The following TRPM3 variants were observed in gnomAD, a reference collection of about 807,000 sequenced individuals.
TRPM3 encodes transient receptor potential cation channel subfamily M member 3.
TRPM3 carries 77 observed loss-of-function variants against 181.2 expected under a neutral mutation model. The observed-to-expected ratio is 0.42, with a 90% CI of 0.35 to 0.51. TRPM3 has a LOEUF of 0.51. Ranked by LOEUF, TRPM3 falls within the 20% of genes least tolerant of loss-of-function variation. TRPM3 has a pLI of 0.01. For missense variants in TRPM3, 1,759 were observed against 2,196.7 expected (o/e 0.80, Z 3.98); for synonymous variants, 745 against 796.4 (o/e 0.94, Z 1.09).
At chr9:71,313,660 G>A (rs929488644) in intron 1 of TRPM3, among the ~76,000 whole-genome samples, 2 of 151,960 alleles carry the variant, frequency 1.3e-5, no homozygotes, top group Non-Finnish European at 2.9e-5. Context: ...TAGGTTTACT[G>A]TTATTTCCTT....
chr9:71,146,299 C>T (rs1007227748), intron 1 of TRPM3, among the ~76,000 whole-genome samples: 2 of 152,070 alleles, frequency 1.3e-5, no homozygotes, highest in Non-Finnish European at 2.9e-5. Context: ...CAGCCAAAGC[C>T]CCTAGCTTGC....
intron 5 of TRPM3, among the ~76,000 whole-genome samples, chr9:70,830,925 A>C (rs2093851097): frequency 6.6e-6 from 1 of 152,234 alleles, no homozygotes; most frequent in Non-Finnish European, 1.5e-5. Context: ...ATTGTAAACT[A>C]GTGATCAAAA....
At chr9:71,446,155 C>T (rs1197248460) in intron 1 of TRPM3, among the ~76,000 whole-genome samples, 1 of 152,172 alleles carries the variant, frequency 6.6e-6, no homozygotes. Context: ...ATGCAAATGA[C>T]ATCCTGCAAA....
intron 1 of TRPM3, among the ~76,000 whole-genome samples, chr9:70,945,591 T>G (rs1161413317): frequency 6.6e-6 from 1 of 152,122 alleles, no homozygotes; most frequent in Non-Finnish European, 1.5e-5. Flanking sequence ...CTCCCCAAAT[T>G]TCCCACAATA....
intron 8 of TRPM3, chr9:70,761,250 C>T: frequency 1.7e-6 from 1 of 595,428 alleles, no homozygotes; most frequent in South Asian, 2.1e-5. Flanking sequence ...TGGTTCATGA[C>T]TTCCAAGCAA....
intron 1 of TRPM3, among the ~76,000 whole-genome samples, chr9:71,051,747 A>G (rs75836969): frequency 0.021 from 3,216 of 152,174 alleles, 111 homozygotes; most frequent in African/African-American, 0.073. Flanking sequence ...CATCTAGGGG[A>G]ATATGAGGAC....
intron 1 of TRPM3, among the ~76,000 whole-genome samples, chr9:70,881,318 C>T (rs766089425): frequency 2.0e-5 from 3 of 151,992 alleles, no homozygotes; most frequent in East Asian, 1.9e-4. Context: ...TTGACTTACA[C>T]CTAAATGTCA....
intron 1 of TRPM3, among the ~76,000 whole-genome samples, chr9:71,169,856 C>T (rs2076754367): frequency 6.6e-6 from 1 of 150,386 alleles, no homozygotes; most frequent in Non-Finnish European, 1.5e-5. Context: ...TAAAAATTAG[C>T]CGGGCATGGT....
intron 1 of TRPM3, chr9:70,916,919 T>C (rs893858696): frequency 1.9e-6 from 2 of 1,034,248 alleles, no homozygotes; most frequent in Admixed American, 5.0e-5. Context: ...TTCACTTCTC[T>C]TTAGATACTG....
At chr9:71,186,874 G>A (rs2077712813) in intron 1 of TRPM3, among the ~76,000 whole-genome samples, 1 of 152,016 alleles carries the variant, frequency 6.6e-6, no homozygotes, top group African/African-American at 2.4e-5. Context: ...ACTCATCTAT[G>A]AACAAATGGG....
At chr9:71,040,580 A>G (rs929514035) in intron 1 of TRPM3, among the ~76,000 whole-genome samples, 1 of 152,232 alleles carries the variant, frequency 6.6e-6, no homozygotes, top group Non-Finnish European at 1.5e-5. Flanking sequence ...GCATTTGGCA[A>G]CCATCATGGT....
At position 70,600,060 on chromosome 9, in the gene TRPM3, T is replaced by C. The variant is rs2059614188; in HGVS notation, c.2797-1390A>G. Among the ~76,000 whole-genome samples, 3 of 152,156 alleles carry C rather than the reference T, an allele frequency of 2.0e-5. No homozygotes were observed. The South Asian group carries it at 6.2e-4, about 32-fold the overall frequency. ...AGTTCCTTGCATATCCTAACTCCTT[T>C]GTGGGACTCTTGCCTTACCTTAAAC... On this transcript the variant is annotated intron_variant, in intron 20 of 25. Transcript: ENST00000677713.
chr9:71,062,042 G>A (rs2061394649), intron 1 of TRPM3, among the ~76,000 whole-genome samples: 2 of 152,006 alleles, frequency 1.3e-5, no homozygotes. Context: ...CTGCTCCCAG[G>A]TAACTCTAGC....
At position 70,764,379 on chromosome 9, in the gene TRPM3, G is replaced by A. The variant is rs182421241; in HGVS notation, c.1149-2655C>T. ...GATAGATGTAATCATTCATCTGCAG[G>A]TGTTTAATTTTGATAACAACTCAAA... On this transcript the variant is annotated intron_variant, in intron 7 of 25. Transcript: ENST00000677713. Among the ~76,000 whole-genome samples, 254 of 152,258 alleles carry A rather than the reference G, an allele frequency of 1.7e-3. 1 individual carries two copies. The Middle Eastern group carries it at 0.017, about 10-fold the overall frequency.
intron 1 of TRPM3, among the ~76,000 whole-genome samples, chr9:71,210,450 T>C (rs911117089): frequency 7.2e-5 from 11 of 152,158 alleles, no homozygotes; most frequent in African/African-American, 2.7e-4. Context: ...CCCTGGTCTG[T>C]GGGAAAACTA....
intron 19 of TRPM3, among the ~76,000 whole-genome samples, chr9:70,610,021 A>G (rs1256403631): frequency 6.6e-6 from 1 of 152,194 alleles, no homozygotes; most frequent in Non-Finnish European, 1.5e-5. Context: ...AGGCAGAAAT[A>G]TTTACAGGAT....
At chr9:71,070,552 C>T (rs1460202244) in intron 1 of TRPM3, among the ~76,000 whole-genome samples, 4 of 152,098 alleles carry the variant, frequency 2.6e-5, no homozygotes, top group Non-Finnish European at 5.9e-5. Context: ...AAAATCATAA[C>T]AAGATATTTT....
chr9:71,190,184 A>T (rs1389291324), intron 1 of TRPM3, among the ~76,000 whole-genome samples: 1 of 151,826 alleles, frequency 6.6e-6, no homozygotes, highest in African/African-American at 2.4e-5. Flanking sequence ...ATGTCACTTC[A>T]CATAGCTGCG....
At chr9:70,785,016 A>G (rs2083303750) in intron 6 of TRPM3, among the ~76,000 whole-genome samples, 2 of 152,106 alleles carry the variant, frequency 1.3e-5, no homozygotes, top group Non-Finnish European at 2.9e-5. Context: ...CACGTCCACC[A>G]TGCTCAGCTA....
Sources: gnomAD v4.1 joint callset for allele counts (sites outside exome capture counted in the v4.1 genomes callset) on GRCh38, gnomAD v4.1.1 for gene constraint, MANE v1.5 for transcripts, NCBI Gene and HGNC (gene_info 2026-07-23, HGNC 2026-07-21) for gene names.